The following TMA16 variants were observed in gnomAD, a reference collection of about 807,000 sequenced individuals.
The protein encoded by TMA16 is translation machinery associated 16 homolog.
Under a neutral mutation model 27.1 loss-of-function variants are expected in TMA16, and 26 were observed. That is an observed-to-expected ratio of 0.96 (90% CI 0.70 to 1.33). TMA16 has a LOEUF of 1.33. Among genes scored for constraint, TMA16 ranks in the 40% most tolerant of loss-of-function variants. The pLI is 0.00. For synonymous variants in TMA16, 71 were observed against 81.9 expected, an observed-to-expected ratio of 0.87 and a Z score of 0.72; for missense variants, 233 against 241.4, an observed-to-expected ratio of 0.97 and a Z score of 0.23.
Position 163,519,426 on chromosome 4 carries a change from C to G in TMA16, c.524C>G (p.Thr175Ser). 1 of 1,605,560 alleles carries G rather than the reference C, an allele frequency of 6.2e-7. No homozygotes were observed. Among genetic ancestry groups the G allele is most frequent in the South Asian group, 1.1e-5 (1 of 89,178 alleles). The stretch of plus-strand genomic sequence containing the variant: ...ATTCCCAAGACGTGCAAGAGGAAAA[C>G]TATTATAACTGTAGACCAAGATTTG... Reference protein sequence around the residue: ...DAIPKTCKRKTIITVDQDLGE... With the variant: ...DAIPKTCKRKSIITVDQDLGE... Residue 175 changes from threonine to serine, a missense_variant, in exon 7 of 7, where the codon ACT becomes AGT. By Grantham distance (58) the Thr-to-Ser change is moderately conservative (BLOSUM62 1). Transcript: ENST00000358572.
intron 6 of TMA16, among the ~76,000 whole-genome samples, chr4:163,517,718 T>C (rs1276102926): frequency 1.3e-5 from 2 of 152,218 alleles, no homozygotes; most frequent in South Asian, 2.1e-4. Flanking sequence ...TACATTGTTA[T>C]AGTACCTCAA....
At chr4:163,517,184 G>A (rs905313672) in intron 5 of TMA16, 5 of 422,928 alleles carry the variant, frequency 1.2e-5, no homozygotes, top group African/African-American at 8.4e-5. Context: ...TTACAGGCAT[G>A]AGCCACCGCG....
chr4:163,501,718 G>A (rs948152056), intron 1 of TMA16, among the ~76,000 whole-genome samples: 16 of 152,042 alleles, frequency 1.1e-4, no homozygotes, highest in African/African-American at 3.9e-4. Flanking sequence ...TTTTGTTCTG[G>A]GAGCAAGGAG....
chr4:163,510,339 A>G (rs1052684683), intron 2 of TMA16, among the ~76,000 whole-genome samples: 4 of 152,174 alleles, frequency 2.6e-5, no homozygotes, highest in Non-Finnish European at 4.4e-5. Flanking sequence ...GTAGTATACA[A>G]TTTCATCTTC....
intron 1 of TMA16, 148 bp from the exon 2 acceptor site, chr4:163,506,885 C>A: frequency 1.6e-6 from 1 of 611,164 alleles, no homozygotes; most frequent in Non-Finnish European, 2.8e-6. Flanking sequence ...ATGATCCTGG[C>A]TTATCTCCTG....
intron 2 of TMA16, among the ~76,000 whole-genome samples, chr4:163,509,714 G>A (rs989381500): frequency 5.9e-5 from 9 of 152,148 alleles, no homozygotes; most frequent in Non-Finnish European, 1.2e-4. Context: ...TCTGATTTAG[G>A]ACTGTATGAC....
At chr4:163,507,245 A>C in intron 2 of TMA16, 100 bp downstream of exon 2, 1 of 1,043,848 alleles carries the variant, frequency 9.6e-7, no homozygotes, top group Non-Finnish European at 1.4e-6. Flanking sequence ...TCTCCCTTTC[A>C]TAAATATTTA....
chr4:163,507,133 A>G lies in TMA16; in HGVS notation c.104A>G (p.Glu35Gly). The G allele has an allele frequency of 1.9e-6, 3 of 1,571,918 alleles. No individual in the cohort carries two copies. Among genetic ancestry groups the G allele is most frequent in the East Asian group, 4.6e-5 (2 of 43,352 alleles). The change falls in exon 2 of 7, where the codon GAA becomes GGA. Residue 35 changes from glutamate to glycine, a missense_variant. Coordinates refer to ENST00000358572, the MANE Select transcript of TMA16 (RefSeq NM_018352.3). ...ATTACGAGAGAGGCCCACAAACAAG[A>G]AAAAAAGGAAAAGTAAGTATCTTTT... The part of the protein sequence containing the change: ...AQITREAHKQ[E>G]KKEKLKNEKA...
intron 1 of TMA16, among the ~76,000 whole-genome samples, chr4:163,500,110 A>G (rs920799538): frequency 5.3e-5 from 8 of 152,194 alleles, no homozygotes; most frequent in African/African-American, 1.9e-4. Context: ...ATCCAAAAGT[A>G]CATTTGGAGA....
At position 163,515,363 on chromosome 4, in the gene TMA16, G is replaced by A. The variant is rs76050545; in HGVS notation, c.290G>A (p.Ser97Asn). Residue 97 changes from serine to asparagine, a missense_variant, in exon 5 of 7, where the codon AGT becomes AAT. By Grantham distance (46) the Ser-to-Asn change is conservative. Coordinates refer to ENST00000358572, the MANE Select transcript of TMA16 (RefSeq NM_018352.3). ...SELEQIELHN[S>N]IRDRQGRRHC... Reference sequence around the variant, plus strand: ...CTGGAGCAGATTGAGTTACATAACAGTATCAGGGACAGGCAGGGGAGGCGG... The same window carrying A: ...CTGGAGCAGATTGAGTTACATAACAATATCAGGGACAGGCAGGGGAGGCGG... 5,529 of 1,613,962 alleles carry A rather than the reference G, an allele frequency of 3.4e-3. 126 individuals carry two copies. In the African/African-American group the frequency reaches 0.056, roughly 16 times the overall value.
At chr4:163,519,247 A>T in intron 6 of TMA16, 87 bp from the exon 7 acceptor site, 1 of 1,260,008 alleles carries the variant, frequency 7.9e-7, no homozygotes, top group African/African-American at 1.6e-5. Flanking sequence ...TAGGATCCTC[A>T]GAGTTTCGAA....
intron 2 of TMA16, 24 bp from the exon 3 acceptor site, chr4:163,512,798 C>A: frequency 6.3e-7 from 1 of 1,578,876 alleles, no homozygotes; most frequent in Non-Finnish European, 8.6e-7. Context: ...TTTTCTAACA[C>A]ATATATTTAC....
At chr4:163,511,454 C>T (rs142333138) in intron 2 of TMA16, among the ~76,000 whole-genome samples, 4 of 151,968 alleles carry the variant, frequency 2.6e-5, no homozygotes, top group African/African-American at 9.7e-5. Context: ...ATTCTAGATA[C>T]AAGTCCTTTG....
chr4:163,510,997 A>C (rs1737784415), intron 2 of TMA16, among the ~76,000 whole-genome samples: 1 of 152,178 alleles, frequency 6.6e-6, no homozygotes, highest in African/African-American at 2.4e-5. Context: ...ATTGTTGGGT[A>C]GATGTTTGAG....
intron 3 of TMA16, among the ~76,000 whole-genome samples, chr4:163,513,563 T>G (rs1243620229): frequency 2.0e-5 from 3 of 152,202 alleles, no homozygotes; most frequent in Admixed American, 2.0e-4. Context: ...GCAGCTCTTA[T>G]ATGCTTAATG....
intron 5 of TMA16, 102 bp downstream of exon 5, chr4:163,515,563 T>G: frequency 7.2e-7 from 1 of 1,391,970 alleles, no homozygotes; most frequent in Non-Finnish European, 9.6e-7. Context: ...TTTCATTTGA[T>G]TTTCTTCCTT....
At chr4:163,502,424 CTG>C (rs910452051) in intron 1 of TMA16, among the ~76,000 whole-genome samples, 2 of 152,144 alleles carry the variant, frequency 1.3e-5, no homozygotes, top group Admixed American at 6.5e-5. Context: ...TTCTCTCAAA[CTG>C]TGATTTGCAA....
intron 2 of TMA16, among the ~76,000 whole-genome samples, chr4:163,512,013 CTTTTTT>C (rs111789578): frequency 2.4e-4 from 35 of 144,266 alleles, no homozygotes; most frequent in Non-Finnish European, 4.3e-4. Flanking sequence ...TAGTCCCTAT[CTTTTTT>C]TTTTTTTAAT....
At chr4:163,513,850 AG>A (rs1213476942) in intron 3 of TMA16, among the ~76,000 whole-genome samples, 2 of 152,166 alleles carry the variant, frequency 1.3e-5, no homozygotes, top group Non-Finnish European at 2.9e-5. Flanking sequence ...TATATACAGA[AG>A]CGCATCCCTC....
Sources: gnomAD v4.1 joint callset for allele counts (sites outside exome capture counted in the v4.1 genomes callset) on GRCh38, gnomAD v4.1.1 for gene constraint, MANE v1.5 for transcripts, NCBI Gene and HGNC (gene_info 2026-07-23, HGNC 2026-07-21) for gene names.